Variants in EVC2 observed in about 807,000 individuals in gnomAD.
The protein encoded by EVC2 is EvC ciliary complex subunit 2.
A neutral mutation model predicts 149.3 loss-of-function variants in EVC2; 148 were observed. The ratio of observed to expected loss-of-function variants is 0.99; its 90% CI spans 0.87 to 1.14. The LOEUF is 1.14. EVC2 is among the 50% of genes most tolerant of loss of function. The pLI is 0.00. For missense variants in EVC2, 1,854 were observed against 1,627.3 expected (o/e 1.14, Z -2.40); for synonymous variants, 776 against 649.9 (o/e 1.19, Z -2.95).
chr4:5,574,011 T>G (rs897136921), intron 19 of EVC2, among the ~76,000 whole-genome samples: 3 of 152,206 alleles, frequency 2.0e-5, no homozygotes, highest in Non-Finnish European at 4.4e-5. Flanking sequence ...GAGAAGGAAC[T>G]GTGGAAAGAA....
chr4:5,669,263 T>C (rs1353824875), intron 7 of EVC2, among the ~76,000 whole-genome samples: 1 of 152,234 alleles, frequency 6.6e-6, no homozygotes. Flanking sequence ...TATGGCAGCC[T>C]GAGGACACTA....
intron 16 of EVC2, among the ~76,000 whole-genome samples, chr4:5,612,341 T>C (rs1432935700): frequency 6.6e-6 from 1 of 152,210 alleles, no homozygotes; most frequent in African/African-American, 2.4e-5. Flanking sequence ...TTCTTTCAAT[T>C]ATTTCAGGAT....
chr4:5,572,929 C>A (rs1239032183), intron 19 of EVC2, among the ~76,000 whole-genome samples: 1 of 152,200 alleles, frequency 6.6e-6, no homozygotes, highest in Admixed American at 6.5e-5. Context: ...CCAAGCTGGG[C>A]TGAATCCCAA....
At chr4:5,595,795 C>G (rs1478647211) in intron 16 of EVC2, among the ~76,000 whole-genome samples, 3 of 152,154 alleles carry the variant, frequency 2.0e-5, no homozygotes, top group Non-Finnish European at 4.4e-5. Flanking sequence ...AGAGTCAAGA[C>G]CCATCTGTGT....
intron 13 of EVC2, 38 bp from the exon 14 acceptor site, chr4:5,623,029 C>T: frequency 1.9e-6 from 3 of 1,601,562 alleles, no homozygotes; most frequent in Non-Finnish European, 2.6e-6. Context: ...GGGGGTGGGG[C>T]TTGGCGGGTA....
At chr4:5,698,329 G>T (rs2151740340) in intron 1 of EVC2, among the ~76,000 whole-genome samples, 1 of 152,246 alleles carries the variant, frequency 6.6e-6, no homozygotes, top group Non-Finnish European at 1.5e-5. Flanking sequence ...CAAGTTTCCA[G>T]GGTGGTAGAT....
At chr4:5,644,925 G>A (rs1164274890) in intron 9 of EVC2, among the ~76,000 whole-genome samples, 2 of 152,140 alleles carry the variant, frequency 1.3e-5, no homozygotes, top group Non-Finnish European at 2.9e-5. Flanking sequence ...TTATTCATCT[G>A]TTGATGGGCA....
chr4:5,613,735 G>A lies in EVC2; in HGVS notation c.2829+1687C>T, dbSNP rs1715028889. Among the ~76,000 whole-genome samples, 1 of 151,992 alleles carries A rather than the reference G, an allele frequency of 6.6e-6. No individual in the cohort carries two copies. Among genetic ancestry groups the A allele is most frequent in the Non-Finnish European group, 1.5e-5 (1 of 68,022 alleles). ...GCTCTCACATTGATGTATATCTCTT[G>A]AATTAGCCTTTAACAATAGGTAAGA... On this transcript the variant is annotated intron_variant, in intron 16 of 21. Coordinates refer to ENST00000344408, the MANE Select transcript of EVC2 (RefSeq NM_147127.5). This position sits in a 1 kb window ranked among gnomAD's most constrained non-coding sequence, Gnocchi z 4.6.
chr4:5,609,101 G>T (rs1484821926), intron 16 of EVC2, among the ~76,000 whole-genome samples: 1 of 151,992 alleles, frequency 6.6e-6, no homozygotes, highest in Non-Finnish European at 1.5e-5. Context: ...AGGTTTGCGG[G>T]TTCTGTAGCC....
chr4:5,624,750 C>T (rs1715976182), intron 13 of EVC2, among the ~76,000 whole-genome samples: 1 of 152,122 alleles, frequency 6.6e-6, no homozygotes. Flanking sequence ...TCAAAGGTGG[C>T]AAAGATGGGG....
intron 16 of EVC2, among the ~76,000 whole-genome samples, chr4:5,590,910 C>T (rs917262624): frequency 6.6e-6 from 1 of 152,160 alleles, no homozygotes; most frequent in East Asian, 1.9e-4. Context: ...CACATGGCAG[C>T]AGCAAGAAGT....
upstream of EVC2, chr4:5,709,175 G>A (rs1017846455): frequency 1.3e-5 from 2 of 152,532 alleles, no homozygotes; most frequent in Admixed American, 1.3e-4. Flanking sequence ...CCTAGAAAGA[G>A]GGGAGCTGGT....
At position 5,612,922 on chromosome 4, in the gene EVC2, C is replaced by CAAA. The variant is rs34505528; in HGVS notation, c.2829+2497_2829+2499dup. Among the ~76,000 whole-genome samples the CAAA allele has an allele frequency of 1.2e-3, 33 of 26,806 alleles. 1 individual carries two copies. Among genetic ancestry groups the CAAA allele is most frequent in the African/African-American group, 4.2e-3 (26 of 6,162 alleles). The allele number at this position is 26,806 out of a possible 152,430, so 17.6% of individuals were successfully genotyped here. ...GGGTGACAGAGCGAGACTCTGTCTC[C>CAAA]AAAAAAAAAAAAAAAAAAAAAAAAA... On this transcript the variant is annotated intron_variant, in intron 16 of 21. Transcript: ENST00000344408.
chr4:5,550,069 T>C (rs945143134), intron 21 of EVC2, among the ~76,000 whole-genome samples: 1 of 152,224 alleles, frequency 6.6e-6, no homozygotes, highest in African/African-American at 2.4e-5. Flanking sequence ...GCATTTTTCC[T>C]GTATAAATTG....
intron 7 of EVC2, among the ~76,000 whole-genome samples, chr4:5,675,891 C>T (rs1286373606): frequency 1.3e-5 from 2 of 152,164 alleles, no homozygotes; most frequent in Non-Finnish European, 2.9e-5. Flanking sequence ...TTGCCGTGAG[C>T]CGAGATCGCG....
At chr4:5,587,867 A>C (rs906808654) in intron 16 of EVC2, among the ~76,000 whole-genome samples, 1 of 152,186 alleles carries the variant, frequency 6.6e-6, no homozygotes, top group African/African-American at 2.4e-5. Context: ...CAATTAGATC[A>C]GGGGTCAATC....
At chr4:5,681,981 C>T (rs980906676) in intron 6 of EVC2, among the ~76,000 whole-genome samples, 8 of 152,180 alleles carry the variant, frequency 5.3e-5, no homozygotes, top group African/African-American at 1.9e-4. Flanking sequence ...CACTGCTCAC[C>T]AGCAGTTGGA....
At chr4:5,571,173 C>T (rs1722622160) in intron 19 of EVC2, among the ~76,000 whole-genome samples, 1 of 151,820 alleles carries the variant, frequency 6.6e-6, no homozygotes, top group Non-Finnish European at 1.5e-5. Flanking sequence ...AAAAAATTAG[C>T]CGGGCGTGGT....
In EVC2 at chr4:5,601,162, G is replaced by A. The variant is rs148867062; in HGVS notation, c.2829+14260C>T. Among the ~76,000 whole-genome samples, 905 of 152,228 alleles carry A rather than the reference G, an allele frequency of 5.9e-3. 3 individuals are homozygous for A. Among genetic ancestry groups the A allele is most frequent in the African/African-American group, 0.021 (870 of 41,544 alleles). On this transcript the variant is annotated intron_variant, in intron 16 of 21. Coordinates refer to ENST00000344408, the MANE Select transcript of EVC2 (RefSeq NM_147127.5). ...CACCAGACTGAAGGCCACAGTCTACGGGCCCTGGCTATAGGCTCAGAGCCT... is the reference window on the plus strand; with the variant it reads ...CACCAGACTGAAGGCCACAGTCTACAGGCCCTGGCTATAGGCTCAGAGCCT...
Sources: gnomAD v4.1 joint callset for allele counts (sites outside exome capture counted in the v4.1 genomes callset) on GRCh38, gnomAD v4.1.1 for gene constraint, Gnocchi (gnomAD v3.1) non-coding constraint, MANE v1.5 for transcripts, NCBI Gene and HGNC (gene_info 2026-07-23, HGNC 2026-07-21) for gene names.